The following CADPS2 variants were observed in gnomAD, a reference collection of about 807,000 sequenced individuals.
CADPS2 encodes the protein calcium dependent secretion activator 2.
In CADPS2, 93 loss-of-function variants were observed where a neutral mutation model predicts 172.5. The ratio of observed to expected loss-of-function variants is 0.54; its 90% CI spans 0.46 to 0.64. The LOEUF is 0.64. Ranked by LOEUF, CADPS2 falls within the 30% of genes least tolerant of loss-of-function variation. CADPS2 has a pLI of 0.00. For synonymous variants in CADPS2, 546 were observed against 555.2 expected (o/e 0.98, Z 0.23); for missense variants, 1,420 against 1,565.9 (o/e 0.91, Z 1.57).
chr7:122,360,994 C>T lies in CADPS2; in HGVS notation c.3407G>A (p.Gly1136Asp). ...ATACCTTGACAGCTTAGACAACACG[C>T]CTTCCAACACTGAAACAAACTATAA... ...LVSKFVSVLEGVLSKLSRYDE... is the reference protein window; with the variant it reads ...LVSKFVSVLEDVLSKLSRYDE... Residue 1136 changes from glycine to aspartate, a missense_variant, in exon 26 of 30, where the codon GGC becomes GAC. Physicochemically the swap from Gly to Asp is moderately conservative, Grantham distance 94. Coordinates refer to ENST00000449022, the MANE Select transcript of CADPS2 (RefSeq NM_017954.11). 6.2e-7 allele frequency: 1 copy of T among 1,613,548 alleles called. No individual in the cohort carries two copies. The highest frequency in any genetic ancestry group is 8.5e-7 in the Non-Finnish European group (1 of 1,179,700).
At chr7:122,386,826 T>A (rs1303152798) in intron 24 of CADPS2, among the ~76,000 whole-genome samples, 200 bp downstream of exon 24, 1 of 152,104 alleles carries the variant, frequency 6.6e-6, no homozygotes, top group African/African-American at 2.4e-5. Flanking sequence ...TAATGCAATT[T>A]TAGACCATAT....
At chr7:122,531,218 CTTTAACT>C (rs2061723808) in intron 8 of CADPS2, among the ~76,000 whole-genome samples, 3 of 152,208 alleles carry the variant, frequency 2.0e-5, no homozygotes, top group Admixed American at 6.5e-5. Flanking sequence ...TTCTACACTG[CTTTAACT>C]GCAGAGAGCG....
intron 2 of CADPS2, among the ~76,000 whole-genome samples, chr7:122,736,021 T>G (rs2092125235): frequency 6.6e-6 from 1 of 152,152 alleles, no homozygotes; most frequent in African/African-American, 2.4e-5. Context: ...CTCTTGACAT[T>G]AGATTTATGT....
intron 15 of CADPS2, among the ~76,000 whole-genome samples, chr7:122,442,801 A>G (rs1433088365): frequency 6.6e-6 from 1 of 152,120 alleles, no homozygotes; most frequent in East Asian, 1.9e-4. Flanking sequence ...TTTTAACAGA[A>G]TATCACATTT....
At chr7:122,576,137 A>G (rs2068006412) in intron 7 of CADPS2, among the ~76,000 whole-genome samples, 1 of 152,040 alleles carries the variant, frequency 6.6e-6, no homozygotes, top group African/African-American at 2.4e-5. Flanking sequence ...TTTCTTTTTT[A>G]TGACCTTGAC....
intron 16 of CADPS2, 28 bp downstream of exon 16, chr7:122,441,484 G>T: frequency 1.4e-6 from 2 of 1,452,870 alleles, no homozygotes; most frequent in Non-Finnish European, 1.9e-6. Flanking sequence ...AAAGCAAATA[G>T]TATTTATAAA....
At chr7:122,360,270 T>G (rs1265783418) in intron 27 of CADPS2, among the ~76,000 whole-genome samples, 2 of 152,212 alleles carry the variant, frequency 1.3e-5, no homozygotes, top group Non-Finnish European at 2.9e-5. Flanking sequence ...TTTCATGATT[T>G]CTGCTCATGG....
At chr7:122,564,079 T>A (rs548275255) in intron 7 of CADPS2, among the ~76,000 whole-genome samples, 2 of 152,094 alleles carry the variant, frequency 1.3e-5, no homozygotes, top group African/African-American at 4.8e-5. Context: ...ATACTTCTGG[T>A]TGCACTTTGG....
At chr7:122,463,400 A>C (rs2152109753) in intron 14 of CADPS2, among the ~76,000 whole-genome samples, 1 of 152,108 alleles carries the variant, frequency 6.6e-6, no homozygotes, top group Middle Eastern at 3.4e-3. Context: ...GCTCACTGCA[A>C]GCTCCACCTC....
chr7:122,374,288 ACAT>A (rs1380707684), intron 25 of CADPS2, among the ~76,000 whole-genome samples: 1 of 152,194 alleles, frequency 6.6e-6, no homozygotes, highest in African/African-American at 2.4e-5. Context: ...CTCACAGTTG[ACAT>A]CATATTCAGT....
intron 9 of CADPS2, among the ~76,000 whole-genome samples, chr7:122,495,349 A>T (rs116297252): frequency 0.01 from 1,582 of 152,248 alleles, 32 homozygotes; most frequent in African/African-American, 0.036. Context: ...TCTGTTTATT[A>T]TATTATTTCC....
intron 1 of CADPS2, among the ~76,000 whole-genome samples, chr7:122,880,643 T>C (rs1275607391): frequency 1.3e-5 from 2 of 152,190 alleles, no homozygotes; most frequent in African/African-American, 2.4e-5. Flanking sequence ...CTATACCCCC[T>C]GAGACTGATT....
chr7:122,477,043 GA>G (rs2056741848), intron 12 of CADPS2, among the ~76,000 whole-genome samples: 1 of 46,618 alleles, frequency 2.1e-5, no homozygotes, highest in Non-Finnish European at 3.7e-5. Flanking sequence ...GAGAGGAGAG[GA>G]GAGAGAGAAG....
At chr7:122,327,961 A>T (rs1432780955) in intron 28 of CADPS2, among the ~76,000 whole-genome samples, 1 of 152,140 alleles carries the variant, frequency 6.6e-6, no homozygotes, top group Non-Finnish European at 1.5e-5. Context: ...TCTATCAAAT[A>T]AGAACGTATA....
At chr7:122,346,443 T>C (rs548403702) in intron 27 of CADPS2, among the ~76,000 whole-genome samples, 6 of 152,270 alleles carry the variant, frequency 3.9e-5, no homozygotes, top group South Asian at 2.1e-4. Flanking sequence ...TCAACTACTA[T>C]GGGCGTTCAA....
chr7:122,657,587 C>T (rs1430808578), intron 3 of CADPS2, among the ~76,000 whole-genome samples: 2 of 152,096 alleles, frequency 1.3e-5, no homozygotes, highest in Non-Finnish European at 2.9e-5. Flanking sequence ...AATAGGAGTT[C>T]ATTTGTGATT....
chr7:122,349,513 T>C (rs1395008756), intron 27 of CADPS2, among the ~76,000 whole-genome samples: 1 of 152,104 alleles, frequency 6.6e-6, no homozygotes, highest in Non-Finnish European at 1.5e-5. Flanking sequence ...CAGAAAATAA[T>C]AGAATCTGTC....
intron 18 of CADPS2, 49 bp downstream of exon 18, chr7:122,416,012 G>T: frequency 8.4e-7 from 1 of 1,185,654 alleles, no homozygotes; most frequent in Non-Finnish European, 1.2e-6. Context: ...CCACAACCAT[G>T]GTGAAGCCTT....
chr7:122,687,882 C>T (rs1201636052), intron 2 of CADPS2, among the ~76,000 whole-genome samples: 2 of 152,174 alleles, frequency 1.3e-5, no homozygotes, highest in African/African-American at 2.4e-5. Flanking sequence ...CAAGTTAGTA[C>T]TTAACATGTA....
Sources: allele counts gnomAD v4.1 joint callset (sites outside exome capture counted in the v4.1 genomes callset), GRCh38; gene constraint gnomAD v4.1.1; transcripts MANE v1.5; gene names NCBI Gene and HGNC (gene_info 2026-07-23, HGNC 2026-07-21).